ADORA2B: variants seen among roughly 807,000 people sequenced by gnomAD.
The protein encoded by ADORA2B is adenosine receptor A2b.
In ADORA2B, 18 loss-of-function variants were observed where a neutral mutation model predicts 20.8. That is an observed-to-expected ratio of 0.87 (90% confidence interval 0.60 to 1.29). The LOEUF is 1.29. ADORA2B is among the 50% of genes most tolerant of loss of function. The probability of loss-of-function intolerance (pLI) is 0.00; values close to 1 mark genes in which losing one functional copy is unlikely to be tolerated. For missense variants in ADORA2B, 441 were observed against 422.7 expected, an observed-to-expected ratio of 1.04 and a Z score of -0.38; for synonymous variants, 179 against 178.3, an observed-to-expected ratio of 1.00 and a Z score of -0.03.
the ADORA2B span, among the ~76,000 whole-genome samples, chr17:15,862,497 C>T: frequency 6.6e-6 from 1 of 152,136 alleles, no homozygotes; most frequent in Non-Finnish European, 1.5e-5. Flanking sequence ...AGGTGTGAGC[C>T]TCCATGCCTG....
At chr17:15,853,157 A>C in the ADORA2B span, among the ~76,000 whole-genome samples, 1 of 152,150 alleles carries the variant, frequency 6.6e-6, no homozygotes, top group African/African-American at 2.4e-5. Context: ...AAGAGCTAAA[A>C]CTGACATCTG....
chr17:15,901,485 GC>G, the ADORA2B span, among the ~76,000 whole-genome samples: 2 of 151,406 alleles, frequency 1.3e-5, no homozygotes. Context: ...AAAAAAAAAA[GC>G]TAATTTGAGC....
the ADORA2B span, among the ~76,000 whole-genome samples, chr17:15,874,216 A>G: frequency 1.3e-5 from 2 of 152,012 alleles, no homozygotes; most frequent in Non-Finnish European, 2.9e-5. Context: ...GAAGTAACAC[A>G]GGAGTGGAAA....
chr17:15,854,986 A>G, the ADORA2B span, among the ~76,000 whole-genome samples: 12 of 151,508 alleles, frequency 7.9e-5, no homozygotes, highest in African/African-American at 2.7e-4. Context: ...CTAGAGTGCA[A>G]TGGCACCATC....
At chr17:15,945,069 C>T, upstream of ADORA2B, 1 of 421,168 alleles carries the variant, frequency 2.4e-6, no homozygotes. Flanking sequence ...GGTGCCGCCT[C>T]TTGGCCGCGG....
the ADORA2B span, among the ~76,000 whole-genome samples, chr17:15,867,838 C>A: frequency 1.5e-4 from 22 of 148,462 alleles, no homozygotes; most frequent in Middle Eastern, 3.6e-3. Flanking sequence ...GTGAGGAGCC[C>A]CTCTGCCCGG....
chr17:15,869,224 G>T, the ADORA2B span, among the ~76,000 whole-genome samples: 211 of 151,750 alleles, frequency 1.4e-3, no homozygotes, highest in African/African-American at 5.0e-3. Context: ...GGAGGCTGAG[G>T]CACTAGAATT....
chr17:15,923,636 G>A, the ADORA2B span, among the ~76,000 whole-genome samples: 1 of 151,764 alleles, frequency 6.6e-6, no homozygotes, highest in Non-Finnish European at 1.5e-5. Flanking sequence ...TCAATCTCCT[G>A]ACCTCGTGAT....
chr17:15,956,954 G>A (rs1969973866), intron 1 of ADORA2B, among the ~76,000 whole-genome samples: 1 of 152,168 alleles, frequency 6.6e-6, no homozygotes, highest in Non-Finnish European at 1.5e-5. Context: ...TAATTAGGTG[G>A]AACTTGGAAT....
At chr17:15,900,220 C>A in the ADORA2B span, among the ~76,000 whole-genome samples, 1 of 152,162 alleles carries the variant, frequency 6.6e-6, no homozygotes, top group Non-Finnish European at 1.5e-5. Flanking sequence ...AGTGAACATA[C>A]ATGTGCATTT....
the ADORA2B span, among the ~76,000 whole-genome samples, chr17:15,927,964 A>G: frequency 6.6e-6 from 1 of 151,952 alleles, no homozygotes; most frequent in Non-Finnish European, 1.5e-5. Context: ...CTGGGACTAC[A>G]GCGCCCGCCA....
the ADORA2B span, among the ~76,000 whole-genome samples, chr17:15,868,510 C>T: frequency 7.2e-6 from 1 of 138,496 alleles, no homozygotes; most frequent in African/African-American, 2.6e-5. Flanking sequence ...TGGTGGCTCA[C>T]GCCTGTAATC....
At chr17:15,893,009 G>T in the ADORA2B span, among the ~76,000 whole-genome samples, 4 of 152,100 alleles carry the variant, frequency 2.6e-5, no homozygotes, top group South Asian at 6.2e-4. Context: ...ACATTCCCCC[G>T]TCTGGAACTT....
chr17:15,972,304 G>A (rs1376768186), intron 1 of ADORA2B, among the ~76,000 whole-genome samples: 4 of 152,198 alleles, frequency 2.6e-5, no homozygotes, highest in Non-Finnish European at 5.9e-5. Flanking sequence ...TGCAGGTAAA[G>A]CAAACAAACA....
At chr17:15,892,754 G>A in the ADORA2B span, among the ~76,000 whole-genome samples, 2 of 151,488 alleles carry the variant, frequency 1.3e-5, no homozygotes, top group Admixed American at 6.6e-5. Flanking sequence ...AGGTGAAGAA[G>A]TACTGGGAAT....
At chr17:15,907,418 C>T in the ADORA2B span, among the ~76,000 whole-genome samples, 1 of 152,114 alleles carries the variant, frequency 6.6e-6, no homozygotes, top group Non-Finnish European at 1.5e-5. Context: ...TCTGGCTTTA[C>T]GTCAGGATCC....
At chr17:15,910,236 C>G in the ADORA2B span, among the ~76,000 whole-genome samples, 1 of 152,192 alleles carries the variant, frequency 6.6e-6, no homozygotes, top group South Asian at 2.1e-4. Context: ...GCTTGTCCAA[C>G]CCATGACTTG....
chr17:15,878,002 G>A, the ADORA2B span, among the ~76,000 whole-genome samples: 1 of 151,822 alleles, frequency 6.6e-6, no homozygotes, highest in Admixed American at 6.6e-5. Context: ...GCTTTTGGGG[G>A]AAAAAAAGAA....
chr17:15,863,833 A>G, the ADORA2B span, among the ~76,000 whole-genome samples: 1 of 152,220 alleles, frequency 6.6e-6, no homozygotes. Context: ...AAATGTAGCA[A>G]AACTCTCCCC....
Sources: allele counts gnomAD v4.1 joint callset (sites outside exome capture counted in the v4.1 genomes callset), GRCh38; gene constraint gnomAD v4.1.1; transcripts MANE v1.5; gene names NCBI Gene and HGNC (gene_info 2026-07-23, HGNC 2026-07-21).